Variants in TRPM3 observed in about 807,000 individuals in gnomAD.
The protein encoded by TRPM3 is long transient receptor potential channel 3.
Under a neutral mutation model 181.2 loss-of-function variants are expected in TRPM3, and 77 were observed. That is an observed-to-expected ratio of 0.42 (90% CI 0.35 to 0.51). The LOEUF is 0.51. Ranked by LOEUF, TRPM3 falls within the 20% of genes least tolerant of loss-of-function variation. The pLI is 0.01. For synonymous variants in TRPM3, 745 were observed against 796.4 expected, an observed-to-expected ratio of 0.94 and a Z score of 1.09; for missense variants, 1,759 against 2,196.7, an observed-to-expected ratio of 0.80 and a Z score of 3.98.
At chr9:71,129,517 A>G (rs2074245232) in intron 1 of TRPM3, among the ~76,000 whole-genome samples, 1 of 152,184 alleles carries the variant, frequency 6.6e-6, no homozygotes, top group South Asian at 2.1e-4. Flanking sequence ...ACAAACCTGT[A>G]AAGTCTACAG....
intron 1 of TRPM3, among the ~76,000 whole-genome samples, chr9:70,882,205 A>G (rs1164461041): frequency 1.3e-5 from 2 of 152,212 alleles, no homozygotes; most frequent in Non-Finnish European, 2.9e-5. Context: ...AATCTCTGGC[A>G]TGACCAGGTC....
chr9:71,121,521 C>A lies in TRPM3; in HGVS notation c.-167G>T. The A allele has an allele frequency of 7.1e-7, 1 of 1,403,756 alleles. No homozygotes were observed. The highest frequency in any genetic ancestry group is 3.0e-5 in the Admixed American group (1 of 33,442). The allele number at this position is 1,403,756 out of a possible 1,614,324, so 87.0% of individuals were successfully genotyped here. On this transcript the variant is annotated 5_prime_UTR_variant, in exon 1 of 26. Transcript: ENST00000677713. Reference sequence around the variant, plus strand: ...TACCAAATGTGGCTGAATGGAGGCACACTGCCTGCTGCTTCGGGGAGGGGA... The same window carrying A: ...TACCAAATGTGGCTGAATGGAGGCAAACTGCCTGCTGCTTCGGGGAGGGGA...
At chr9:70,550,901 A>T (rs1025258414) in intron 24 of TRPM3, among the ~76,000 whole-genome samples, 3 of 152,162 alleles carry the variant, frequency 2.0e-5, no homozygotes, top group African/African-American at 7.2e-5. Context: ...ATCACAGGGA[A>T]CACTTGAGAT....
At chr9:71,313,495 A>T (rs1201455795) in intron 1 of TRPM3, among the ~76,000 whole-genome samples, 1 of 152,180 alleles carries the variant, frequency 6.6e-6, no homozygotes, top group Non-Finnish European at 1.5e-5. Flanking sequence ...TATCTAACTT[A>T]TGTGTCCAAA....
At chr9:70,767,016 G>A (rs148552107) in intron 7 of TRPM3, among the ~76,000 whole-genome samples, 36 of 152,358 alleles carry the variant, frequency 2.4e-4, no homozygotes, top group African/African-American at 7.2e-4. Flanking sequence ...CTGCACAAGC[G>A]TATGCATTAT....
At chr9:71,221,473 A>C (rs1193589041) in intron 1 of TRPM3, among the ~76,000 whole-genome samples, 1 of 152,144 alleles carries the variant, frequency 6.6e-6, no homozygotes, top group Non-Finnish European at 1.5e-5. Context: ...GTTACTATTG[A>C]GCAATTTTAT....
At position 70,990,114 on chromosome 9, in the gene TRPM3, A is replaced by G. The variant is rs80311729; in HGVS notation, c.178-125603T>C. ...TAATAAGTGGAGGAGTTCAGAACCT[A>G]GAAATTCCGGCTTTCAAGCTGTGTA... On this transcript the variant is annotated intron_variant, in intron 1 of 25. Coordinates refer to ENST00000677713, the MANE Select transcript of TRPM3 (RefSeq NM_001366145.2). Among the ~76,000 whole-genome samples, 150 of 152,330 alleles carry G rather than the reference A, an allele frequency of 9.8e-4. 1 individual carries two copies. The Middle Eastern group carries it at 0.01, about 10-fold the overall frequency.
At chr9:71,027,416 CCAAA>C (rs768305087) in intron 1 of TRPM3, among the ~76,000 whole-genome samples, 3 of 152,194 alleles carry the variant, frequency 2.0e-5, no homozygotes, top group Non-Finnish European at 4.4e-5. Flanking sequence ...CTTCTTTTCT[CCAAA>C]CAAACACACT....
chr9:71,230,191 G>A (rs908680090), intron 1 of TRPM3, among the ~76,000 whole-genome samples: 5 of 152,086 alleles, frequency 3.3e-5, no homozygotes, highest in East Asian at 1.9e-4. Context: ...ATGTCATTAC[G>A]TTAAGTGAAA....
intron 6 of TRPM3, among the ~76,000 whole-genome samples, chr9:70,791,752 T>C (rs1461970397): frequency 6.6e-6 from 1 of 152,148 alleles, no homozygotes; most frequent in African/African-American, 2.4e-5. Context: ...AAACTGATGG[T>C]GCATAGTGTA....
intron 1 of TRPM3, among the ~76,000 whole-genome samples, chr9:71,256,747 G>A (rs2082699728): frequency 6.6e-6 from 1 of 152,146 alleles, no homozygotes; most frequent in African/African-American, 2.4e-5. Context: ...TGCCACGTAT[G>A]AGGCTAGGGT....
chr9:70,617,512 A>G (rs1420117308), intron 17 of TRPM3, among the ~76,000 whole-genome samples: 1 of 152,210 alleles, frequency 6.6e-6, no homozygotes, highest in Non-Finnish European at 1.5e-5. Flanking sequence ...GTAATGTACA[A>G]TACGAGGACT....
chr9:71,305,259 A>C (rs1035745958), intron 1 of TRPM3, among the ~76,000 whole-genome samples: 2 of 152,238 alleles, frequency 1.3e-5, no homozygotes, highest in Admixed American at 6.5e-5. Context: ...ATGCTGTAAA[A>C]GCAGAGGAAA....
At chr9:70,648,647 C>T (rs772156366) in intron 9 of TRPM3, among the ~76,000 whole-genome samples, 27 of 149,960 alleles carry the variant, frequency 1.8e-4, no homozygotes, top group Admixed American at 6.0e-4. Context: ...AAAAAAGACA[C>T]GTAAACCAGT....
intron 1 of TRPM3, among the ~76,000 whole-genome samples, chr9:71,039,374 T>A (rs1264904926): frequency 6.6e-6 from 1 of 152,150 alleles, no homozygotes; most frequent in Non-Finnish European, 1.5e-5. Context: ...AAATATCCAA[T>A]AAGCAGGTTA....
chr9:71,035,948 C>T (rs2058132520), intron 1 of TRPM3, among the ~76,000 whole-genome samples: 1 of 143,386 alleles, frequency 7.0e-6, no homozygotes, highest in Admixed American at 7.1e-5. Context: ...TACTGTACAC[C>T]ATATGAAACT....
intron 1 of TRPM3, among the ~76,000 whole-genome samples, chr9:70,885,597 C>G (rs563644122): frequency 6.6e-6 from 1 of 152,312 alleles, no homozygotes; most frequent in East Asian, 1.9e-4. Flanking sequence ...CCCTGGCATT[C>G]ACACTTCTGC....
At position 70,610,696 on chromosome 9, in the gene TRPM3, T is replaced by A; in HGVS notation, c.2580A>T (p.Glu860Asp). Residue 860 changes from glutamate to aspartate, a missense_variant, in exon 19 of 26, where the codon GAA (glutamate) becomes GAT (aspartate). Physicochemically the swap from Glu to Asp is conservative, Grantham distance 45. Around this residue, in one of 8 missense-constraint regions of TRPM3, gnomAD observed 114 missense variants for 134.8 expected, o/e 0.85. Coordinates refer to ENST00000677713, the MANE Select transcript of TRPM3 (RefSeq NM_001366145.2). ...GESSRKKDEE[E>D]VQSKHRLIPL... is the part of the protein sequence containing the mutation. ...GGATTAACCGGTGCTTGCTCTGAAC[T>A]TCCTCTTCATCCTTCTTCCTGGAGG... is the stretch of plus-strand genomic sequence containing the variant. 1 of 1,614,196 alleles carries A rather than the reference T, an allele frequency of 6.2e-7. No homozygotes were observed. Among genetic ancestry groups the A allele is most frequent in the Non-Finnish European group, 8.5e-7 (1 of 1,180,016 alleles).
At chr9:70,898,350 C>G (rs1261696208) in intron 1 of TRPM3, among the ~76,000 whole-genome samples, 1 of 151,476 alleles carries the variant, frequency 6.6e-6, no homozygotes, top group African/African-American at 2.4e-5. Context: ...TCTCGATCTC[C>G]TGACCTCGTG....
Sources: allele counts gnomAD v4.1 joint callset (sites outside exome capture counted in the v4.1 genomes callset), GRCh38; gene constraint gnomAD v4.1.1; regional missense constraint gnomAD v4.1.1; transcripts MANE v1.5; gene names NCBI Gene and HGNC (gene_info 2026-07-23, HGNC 2026-07-21).